Variants in UBE2QL1 observed in about 807,000 individuals in gnomAD.
UBE2QL1 encodes the protein ubiquitin-conjugating enzyme E2Q-like protein 1.
Under a neutral mutation model 12.6 loss-of-function variants are expected in UBE2QL1, and 5 were observed. That is an observed-to-expected ratio of 0.40 (90% CI 0.21 to 0.83). UBE2QL1 has a LOEUF of 0.83. Among genes scored for constraint, UBE2QL1 ranks in the 40% least tolerant of loss-of-function variants. UBE2QL1 has a pLI of 0.37. For synonymous variants in UBE2QL1, 96 were observed against 94.5 expected, an observed-to-expected ratio of 1.02 and a Z score of -0.10; for missense variants, 99 against 222.6, an observed-to-expected ratio of 0.44 and a Z score of 3.53.
chr5:6,460,596 G>T (rs1464832841), intron 1 of UBE2QL1, among the ~76,000 whole-genome samples: 1 of 152,192 alleles, frequency 6.6e-6, no homozygotes. Context: ...AAATGATTTT[G>T]CACCATCAGG....
chr5:6,487,680 G>C (rs571215006), intron 1 of UBE2QL1, among the ~76,000 whole-genome samples: 13 of 152,202 alleles, frequency 8.5e-5, no homozygotes, highest in African/African-American at 2.9e-4. Context: ...TAAGAAAAAC[G>C]CTGTTAATTG....
At chr5:6,453,172 T>C (rs1739443496) in intron 1 of UBE2QL1, among the ~76,000 whole-genome samples, 1 of 152,212 alleles carries the variant, frequency 6.6e-6, no homozygotes, top group Non-Finnish European at 1.5e-5. Context: ...ATCTCCCTGG[T>C]TCTGCTCTTT....
At position 6,494,336 on chromosome 5, in the gene UBE2QL1, T is replaced by C. The variant is rs10044719; in HGVS notation, c.*2987T>C. ...ACACACGCACATGTGCCAATACTCC[T>C]GCAAAGACTTGCTGTTTCTAAAATC... On this transcript the variant is annotated 3_prime_UTR_variant, in exon 2 of 2. Transcript: ENST00000399816. 0.07 allele frequency: 10,647 copies of C among 152,278 alleles called. 415 individuals are homozygous for C. Among genetic ancestry groups the C allele is most frequent in the Middle Eastern group, 0.12 (35 of 294 alleles). 9.4% of individuals were successfully genotyped at this position (152,278 alleles called of 1,614,324 possible). A position where few individuals can be genotyped will look rare whatever the true frequency, so the allele number is the denominator to read the frequency against.
At chr5:6,475,662 G>T (rs1279903780) in intron 1 of UBE2QL1, among the ~76,000 whole-genome samples, 2 of 151,626 alleles carry the variant, frequency 1.3e-5, no homozygotes, top group Non-Finnish European at 2.9e-5. Flanking sequence ...CCAAGGGAAG[G>T]GGTAGGAAGG....
intron 1 of UBE2QL1, among the ~76,000 whole-genome samples, chr5:6,450,003 G>A (rs1305308884): frequency 1.3e-5 from 2 of 151,828 alleles, no homozygotes; most frequent in African/African-American, 4.8e-5. Flanking sequence ...GCCTCTCCTG[G>A]AAAGGTGGAA....
intron 1 of UBE2QL1, among the ~76,000 whole-genome samples, chr5:6,455,812 C>T (rs1490759103): frequency 1.3e-5 from 2 of 152,000 alleles, no homozygotes; most frequent in Non-Finnish European, 2.9e-5. Flanking sequence ...AATTAATCCC[C>T]CCAACCTCCC....
In UBE2QL1 at chr5:6,453,705, A is replaced by G. The variant is rs1281027527; in HGVS notation, c.354+4458A>G. Among the ~76,000 whole-genome samples the G allele has an allele frequency of 3.5e-4, 26 of 74,180 alleles. No homozygotes were observed. In the Admixed American group the frequency reaches 4.0e-3, roughly 11 times the overall value. 48.7% of individuals were successfully genotyped at this position (74,180 alleles called of 152,430 possible). Reference sequence around the variant, plus strand: ...CACTGGGAAGCACAAGTGCACACACATGTGCACACACACACACACACACAC... The same window carrying G: ...CACTGGGAAGCACAAGTGCACACACGTGTGCACACACACACACACACACAC... On this transcript the variant is annotated intron_variant, in intron 1 of 1. Coordinates refer to ENST00000399816, the MANE Select transcript of UBE2QL1 (RefSeq NM_001145161.3).
Position 6,493,037 on chromosome 5 carries a change from A to G in UBE2QL1, c.*1688A>G, listed in dbSNP as rs536611819. 6.6e-6 allele frequency: 1 copy of G among 152,352 alleles called. No individual in the cohort carries two copies. The highest frequency in any genetic ancestry group is 1.9e-4 in the East Asian group (1 of 5,190). 9.4% of individuals were successfully genotyped at this position (152,352 alleles called of 1,614,324 possible). A position where few individuals can be genotyped will look rare whatever the true frequency, so the allele number is the denominator to read the frequency against. On this transcript the variant is annotated 3_prime_UTR_variant, in exon 2 of 2. Coordinates refer to ENST00000399816, the MANE Select transcript of UBE2QL1 (RefSeq NM_001145161.3). Reference sequence around the variant, plus strand: ...CTTATTGTTACTTTTGTTTTTCTTTACCACTTTCTTATTTGCCCCCAAGTG... The same window carrying G: ...CTTATTGTTACTTTTGTTTTTCTTTGCCACTTTCTTATTTGCCCCCAAGTG...
intron 1 of UBE2QL1, among the ~76,000 whole-genome samples, chr5:6,449,939 G>A (rs770056762): frequency 7.0e-6 from 1 of 142,896 alleles, no homozygotes; most frequent in East Asian, 2.1e-4. Context: ...GGTGGGTGCC[G>A]TGGGGAGGGA....
At chr5:6,491,089 T>C (rs1734557783) in intron 1 of UBE2QL1, 129 bp from the exon 2 acceptor site, 1 of 1,048,696 alleles carries the variant, frequency 9.5e-7, no homozygotes, top group South Asian at 1.8e-5. Flanking sequence ...CCCACCCTGC[T>C]GGTGGCCAGT....
intron 1 of UBE2QL1, 100 bp downstream of exon 1, chr5:6,449,347 C>CGG: frequency 8.7e-7 from 1 of 1,145,426 alleles, no homozygotes; most frequent in Non-Finnish European, 1.1e-6. Context: ...GCCGGCCCCT[C>CGG]CGGCCATCTC....
intron 1 of UBE2QL1, among the ~76,000 whole-genome samples, chr5:6,457,373 G>C (rs189939598): frequency 1.3e-5 from 2 of 152,184 alleles, no homozygotes; most frequent in East Asian, 3.9e-4. Flanking sequence ...CTGCAGAGGA[G>C]GAAGCTCGGC....
At chr5:6,477,660 G>T (rs571898475) in intron 1 of UBE2QL1, among the ~76,000 whole-genome samples, 1 of 152,378 alleles carries the variant, frequency 6.6e-6, no homozygotes, top group Admixed American at 6.5e-5. Context: ...CCTGGTGGAA[G>T]TGTCCAGCAG....
At chr5:6,464,095 G>C (rs1013955061) in intron 1 of UBE2QL1, among the ~76,000 whole-genome samples, 2 of 152,018 alleles carry the variant, frequency 1.3e-5, no homozygotes, top group African/African-American at 2.4e-5. Context: ...GTCTTCTAAG[G>C]GCTTTTTTAA....
chr5:6,469,666 A>G (rs193209278), intron 1 of UBE2QL1, among the ~76,000 whole-genome samples: 1 of 151,840 alleles, frequency 6.6e-6, no homozygotes, highest in Admixed American at 6.6e-5. Flanking sequence ...TTCAAACAGT[A>G]TACACTTATA....
chr5:6,477,053 A>G (rs1734248670), intron 1 of UBE2QL1, among the ~76,000 whole-genome samples: 2 of 152,040 alleles, frequency 1.3e-5, no homozygotes, highest in South Asian at 4.2e-4. Flanking sequence ...CTGGGGAGGG[A>G]CAGGGGCAGG....
rs1399601869 is a variant in UBE2QL1, at chr5:6,493,242, T to G, written c.*1893T>G. ...AAACCTGACATTTGGCTGACGGTCT[T>G]TGGACCCTGGAGCTAGTGGTCATCA... On this transcript the variant is annotated 3_prime_UTR_variant, in exon 2 of 2. Coordinates refer to ENST00000399816, the MANE Select transcript of UBE2QL1 (RefSeq NM_001145161.3). 3 of 152,192 alleles carry G rather than the reference T, an allele frequency of 2.0e-5. No homozygotes were observed. Among genetic ancestry groups the G allele is most frequent in the African/African-American group, 7.2e-5 (3 of 41,436 alleles). 9.4% of individuals were successfully genotyped at this position (152,192 alleles called of 1,614,324 possible).
chr5:6,466,991 G>A (rs559196363), intron 1 of UBE2QL1, among the ~76,000 whole-genome samples: 3 of 152,148 alleles, frequency 2.0e-5, no homozygotes, highest in African/African-American at 7.2e-5. Context: ...ACTGTCACCC[G>A]GCACATGAGG....
At chr5:6,480,772 C>T (rs1734343235) in intron 1 of UBE2QL1, among the ~76,000 whole-genome samples, 1 of 152,166 alleles carries the variant, frequency 6.6e-6, no homozygotes, top group South Asian at 2.1e-4. Flanking sequence ...AGAGTGGCTT[C>T]GCTTTAATTC....
Sources: allele counts gnomAD v4.1 joint callset (sites outside exome capture counted in the v4.1 genomes callset), GRCh38; gene constraint gnomAD v4.1.1; transcripts MANE v1.5; gene names NCBI Gene and HGNC (gene_info 2026-07-23, HGNC 2026-07-21).